The following PLEKHA8 variants were observed in gnomAD, a reference collection of about 807,000 sequenced individuals.
The protein encoded by PLEKHA8 is pleckstrin homology domain-containing family A member 8.
A neutral mutation model predicts 68.2 loss-of-function variants in PLEKHA8; 36 were observed. The observed-to-expected ratio is 0.53, with a 90% confidence interval of 0.40 to 0.70. The LOEUF is 0.70. Among genes scored for constraint, PLEKHA8 ranks in the 30% least tolerant of loss-of-function variants. The probability of loss-of-function intolerance (pLI) is 0.00; values close to 1 mark genes in which losing one functional copy is unlikely to be tolerated. For missense variants in PLEKHA8, 505 were observed against 615.4 expected (o/e 0.82, Z 1.90); for synonymous variants, 211 against 216.1 (o/e 0.98, Z 0.20).
intron 13 of PLEKHA8, among the ~76,000 whole-genome samples, chr7:30,121,512 C>T (rs958370555): frequency 6.6e-6 from 1 of 152,096 alleles, no homozygotes; most frequent in African/African-American, 2.4e-5. Flanking sequence ...GCCTATAATC[C>T]CAGCTACTTG....
rs187923708 is a variant in PLEKHA8 at position 30,036,296 on chromosome 7, A to C, written c.40+7494A>C. On this transcript the variant is annotated intron_variant, in intron 1 of 13. Transcript: ENST00000449726. ...CAAATAAATAAATAGATAGATAGATAGATAGAGTGAGACTGTGTCTCAGAT... is the reference window on the plus strand; with the variant it reads ...CAAATAAATAAATAGATAGATAGATCGATAGAGTGAGACTGTGTCTCAGAT... Among the ~76,000 whole-genome samples, 43 of 152,170 alleles carry C rather than the reference A, an allele frequency of 2.8e-4. No individual in the cohort carries two copies. The South Asian group carries it at 3.7e-3, about 13-fold the overall frequency.
At chr7:30,030,266 C>G (rs755322301) in intron 1 of PLEKHA8, among the ~76,000 whole-genome samples, 12 of 152,132 alleles carry the variant, frequency 7.9e-5, no homozygotes, top group Non-Finnish European at 1.5e-4. Flanking sequence ...TTTTCCCATT[C>G]TTCCCCATCC....
At chr7:30,106,846 G>T (rs182769346) in intron 13 of PLEKHA8, among the ~76,000 whole-genome samples, 245 of 152,340 alleles carry the variant, frequency 1.6e-3, no homozygotes, top group African/African-American at 5.4e-3. Context: ...GATTTAAAAT[G>T]TACGGGAGGA....
intron 13 of PLEKHA8, among the ~76,000 whole-genome samples, chr7:30,103,877 G>A (rs1795963160): frequency 6.6e-6 from 1 of 152,098 alleles, no homozygotes; most frequent in Non-Finnish European, 1.5e-5. Flanking sequence ...AGAAAAAAGT[G>A]ACAAATTGGA....
chr7:30,115,669 T>C (rs936818484), intron 13 of PLEKHA8, among the ~76,000 whole-genome samples: 6 of 151,396 alleles, frequency 4.0e-5, no homozygotes, highest in African/African-American at 4.9e-5. Context: ...TGTATACGTG[T>C]ATACATACGC....
At chr7:30,096,421 T>G (rs1795621375) in intron 13 of PLEKHA8, among the ~76,000 whole-genome samples, 1 of 152,220 alleles carries the variant, frequency 6.6e-6, no homozygotes, top group Non-Finnish European at 1.5e-5. Context: ...AAGGAGATTT[T>G]GGGCTGAGAC....
In PLEKHA8 at chr7:30,078,748, A is replaced by G. The variant is rs779178675; in HGVS notation, c.1521A>G (p.Leu507=). The change falls in exon 14 of 14, where the codon TTA becomes TTG. Residue 507 remains leucine, a synonymous_variant. Transcript: ENST00000449726. The part of the protein sequence containing the change: ...MEKQLAILDT[L]YEVHGLESDE... ...AGCAGCTGGCCATACTGGACACTTT[A>G]TATGAGGTCCACGGGCTGGAATCTG... 1 of 1,613,732 alleles carries G rather than the reference A, an allele frequency of 6.2e-7. No individual in the cohort carries two copies. The highest frequency in any genetic ancestry group is 8.5e-7 in the Non-Finnish European group (1 of 1,179,756).
At chr7:30,071,462 C>T (rs570460850) in intron 12 of PLEKHA8, among the ~76,000 whole-genome samples, 2 of 152,366 alleles carry the variant, frequency 1.3e-5, no homozygotes, top group African/African-American at 4.8e-5. Context: ...ACACGCCTCA[C>T]CCCCAACCCA....
downstream of PLEKHA8, among the ~76,000 whole-genome samples, chr7:30,092,617 GT>G (rs1795462357): frequency 6.6e-6 from 1 of 152,166 alleles, no homozygotes; most frequent in Admixed American, 6.5e-5. Context: ...GAGGACATCT[GT>G]TTTTCTGCCT....
downstream of PLEKHA8, chr7:30,129,833 C>G (rs897361599): frequency 6.4e-6 from 1 of 155,652 alleles, no homozygotes; most frequent in East Asian, 1.9e-4. Context: ...TAATTAGTGG[C>G]GAAGTCATAA....
intron 1 of PLEKHA8, among the ~76,000 whole-genome samples, chr7:30,035,743 C>A (rs1040745106): frequency 6.6e-6 from 1 of 152,132 alleles, no homozygotes; most frequent in African/African-American, 2.4e-5. Context: ...CTCCCGGGTT[C>A]AAGCAGTTCT....
chr7:30,095,946 A>G (rs1379250577), intron 13 of PLEKHA8, among the ~76,000 whole-genome samples: 1 of 152,204 alleles, frequency 6.6e-6, no homozygotes, highest in Non-Finnish European at 1.5e-5. Context: ...TATAGTTTGA[A>G]GTCAGGTAGC....
At chr7:30,110,037 A>G (rs536231259) in intron 13 of PLEKHA8, among the ~76,000 whole-genome samples, 1 of 152,330 alleles carries the variant, frequency 6.6e-6, no homozygotes, top group East Asian at 1.9e-4. Context: ...AAAAATTAAC[A>G]TATAAAATTT....
chr7:30,071,125 T>G (rs922494630), intron 12 of PLEKHA8, among the ~76,000 whole-genome samples: 2 of 152,222 alleles, frequency 1.3e-5, no homozygotes, highest in Non-Finnish European at 2.9e-5. Flanking sequence ...AGTTCTCTCC[T>G]TTTAAAATAT....
intron 6 of PLEKHA8, among the ~76,000 whole-genome samples, chr7:30,051,134 A>G (rs1234924910): frequency 1.3e-5 from 2 of 152,194 alleles, no homozygotes; most frequent in Non-Finnish European, 2.9e-5. Context: ...TCCTGAGCTC[A>G]AGCAATTCAC....
chr7:30,042,273 C>T (rs902828035), intron 1 of PLEKHA8, among the ~76,000 whole-genome samples: 2 of 152,186 alleles, frequency 1.3e-5, no homozygotes, highest in Non-Finnish European at 2.9e-5. Context: ...GAGCTAGTTA[C>T]TTAAAATTTC....
At chr7:30,029,556 A>G (rs1431344521) in intron 1 of PLEKHA8, among the ~76,000 whole-genome samples, 1 of 152,184 alleles carries the variant, frequency 6.6e-6, no homozygotes, top group East Asian at 1.9e-4. Context: ...AAAATTATTC[A>G]GAACGATCAT....
intron 13 of PLEKHA8, among the ~76,000 whole-genome samples, chr7:30,108,067 C>CAAAAAAAAAAAAAAAAAAAA (rs796801365): frequency 6.1e-4 from 32 of 52,828 alleles, no homozygotes; most frequent in African/African-American, 2.2e-3. Context: ...AACTCCATCT[C>CAAAAAAAAAAAAAAAAAAAA]AAAAAAAAAA....
chr7:30,054,165 C>A (rs1293312120), intron 7 of PLEKHA8, among the ~76,000 whole-genome samples: 1 of 152,134 alleles, frequency 6.6e-6, no homozygotes, highest in Non-Finnish European at 1.5e-5. Flanking sequence ...TTTGTCTATA[C>A]TATGAGAGCT....
Sources: gnomAD v4.1 joint callset for allele counts (sites outside exome capture counted in the v4.1 genomes callset) on GRCh38, gnomAD v4.1.1 for gene constraint, MANE v1.5 for transcripts, NCBI Gene and HGNC (gene_info 2026-07-23, HGNC 2026-07-21) for gene names.